The following RAB8B variants were observed in gnomAD, a reference collection of about 807,000 sequenced individuals.
The protein encoded by RAB8B is ras-related protein Rab-8B.
Under a neutral mutation model 32.0 loss-of-function variants are expected in RAB8B, and 11 were observed. The observed-to-expected ratio is 0.34, with a 90% CI of 0.22 to 0.57. RAB8B has a LOEUF of 0.57. RAB8B is among the 20% of genes least tolerant of loss of function. RAB8B has a pLI of 0.86. For missense variants in RAB8B, 190 were observed against 258.5 expected (o/e 0.73, Z 1.82); for synonymous variants, 103 against 89.6 (o/e 1.15, Z -0.85).
chr15:63,244,912 C>A, intron 2 of RAB8B, 96 bp downstream of exon 2: 3 of 1,020,414 alleles, frequency 2.9e-6, no homozygotes, highest in South Asian at 1.5e-5. Flanking sequence ...CTTGTGATAG[C>A]TAAAACATCT....
At chr15:63,235,943 G>A (rs994335027) in intron 1 of RAB8B, among the ~76,000 whole-genome samples, 1 of 152,136 alleles carries the variant, frequency 6.6e-6, no homozygotes, top group African/African-American at 2.4e-5. Flanking sequence ...TAAAGAGGAA[G>A]TTTCCCCACC....
At chr15:63,204,003 G>A (rs1248598591) in intron 1 of RAB8B, among the ~76,000 whole-genome samples, 2 of 152,070 alleles carry the variant, frequency 1.3e-5, no homozygotes, top group South Asian at 2.1e-4. Flanking sequence ...GGTTGTCGGG[G>A]GGTGGTTGAA....
At chr15:63,208,486 G>A (rs1005074700) in intron 1 of RAB8B, among the ~76,000 whole-genome samples, 30 of 152,040 alleles carry the variant, frequency 2.0e-4, no homozygotes, top group African/African-American at 7.3e-4. Flanking sequence ...AGGGAGGTAA[G>A]TTTTCTCCCT....
intron 1 of RAB8B, among the ~76,000 whole-genome samples, chr15:63,223,574 G>A (rs893394423): frequency 6.6e-6 from 1 of 152,198 alleles, no homozygotes; most frequent in African/African-American, 2.4e-5. Flanking sequence ...GCTATACTAC[G>A]TAGACTAGGT....
chr15:63,207,019 C>T (rs1190575652), intron 1 of RAB8B, among the ~76,000 whole-genome samples: 1 of 152,186 alleles, frequency 6.6e-6, no homozygotes, highest in African/African-American at 2.4e-5. Context: ...TTGTCTGCTC[C>T]AGCATACTTC....
Position 63,262,711 on chromosome 15 carries a change from G to A in RAB8B, c.500G>A (p.Arg167Gln), listed in dbSNP as rs774984428. The change falls in exon 7 of 8, where the codon CGA becomes CAA. Residue 167 changes from arginine (R) to glutamine (Q), a missense_variant. Arg to Gln is a conservative substitution (Grantham distance 43). Around this residue, in one of 2 missense-constraint regions of RAB8B, gnomAD observed 110 missense variants for 115.9 expected, o/e 0.95. Coordinates refer to ENST00000321437, the MANE Select transcript of RAB8B (RefSeq NM_016530.3). ...NVEEAFFTLA[R>Q]DIMTKLNRKM... ...CTATAGGCATTTTTTACACTTGCAC[G>A]AGATATAATGACAAAACTCAACAGA... is the stretch of plus-strand genomic sequence containing the variant. 4.9e-6 allele frequency: 7 copies of A among 1,441,998 alleles called. No individual in the cohort carries two copies. The highest frequency in any genetic ancestry group is 1.5e-5 in the South Asian group (1 of 66,030). The allele number at this position is 1,441,998 out of a possible 1,614,324, so 89.3% of individuals were successfully genotyped here.
At position 63,189,681 on chromosome 15, in the gene RAB8B, A is replaced by T; in HGVS notation, c.57A>T (p.Val19=). 6.2e-7 allele frequency: 1 copy of T among 1,613,226 alleles called. No individual in the cohort carries two copies. Among genetic ancestry groups the T allele is most frequent in the Non-Finnish European group, 8.5e-7 (1 of 1,179,466 alleles). ...FKLLLIGDSG[V]GKTCLLFRFS... Reference sequence around the variant, plus strand: ...TCCTGCTGATCGGCGACTCGGGGGTAGGCAAGACCTGCCTCCTGTTCCGCT... The same window carrying T: ...TCCTGCTGATCGGCGACTCGGGGGTTGGCAAGACCTGCCTCCTGTTCCGCT... The change falls in exon 1 of 8, where the codon GTA becomes GTT. Residue 19 remains valine, a synonymous_variant. Transcript: ENST00000321437.
At chr15:63,236,884 C>T (rs960730208) in intron 1 of RAB8B, among the ~76,000 whole-genome samples, 2 of 152,174 alleles carry the variant, frequency 1.3e-5, no homozygotes, top group Non-Finnish European at 2.9e-5. Context: ...TTAACCATTA[C>T]CACTTTCCCC....
chr15:63,244,813 T>C lies in RAB8B; in HGVS notation c.182T>C (p.Ile61Thr). Residue 61 changes from isoleucine (I) to threonine (T), a missense_variant, in exon 2 of 8, where the codon ATA becomes ACA. Ile to Thr is a moderately conservative substitution (Grantham distance 89). Coordinates refer to ENST00000321437, the MANE Select transcript of RAB8B (RefSeq NM_016530.3). ...ELDGKKIKLQ[I>T]WDTAGQERFR... ...GATGGAAAGAAAATTAAGCTTCAGATATGGTAAGTAAACACACACACAGAG... is the reference window on the plus strand; with the variant it reads ...GATGGAAAGAAAATTAAGCTTCAGACATGGTAAGTAAACACACACACAGAG... The C allele has an allele frequency of 6.3e-7, 1 of 1,575,624 alleles. No homozygotes were observed. The highest frequency in any genetic ancestry group is 8.7e-7 in the Non-Finnish European group (1 of 1,149,284).
chr15:63,245,855 T>C (rs2038066439), intron 2 of RAB8B, among the ~76,000 whole-genome samples: 2 of 152,228 alleles, frequency 1.3e-5, no homozygotes, highest in Non-Finnish European at 2.9e-5. Flanking sequence ...AAGCTGAATA[T>C]AACTTTATAC....
chr15:63,251,208 A>G (rs2038114372), intron 3 of RAB8B: 1 of 447,796 alleles, frequency 2.2e-6, no homozygotes. Flanking sequence ...TATTTTGCTT[A>G]GACTGGAATC....
At chr15:63,247,861 G>C (rs2038083758) in intron 2 of RAB8B, among the ~76,000 whole-genome samples, 1 of 152,166 alleles carries the variant, frequency 6.6e-6, no homozygotes, top group African/African-American at 2.4e-5. Flanking sequence ...CTACTCAACT[G>C]CCCTGGAACA....
chr15:63,244,641 T>A, intron 1 of RAB8B, 115 bp from the exon 2 acceptor site: 1 of 760,204 alleles, frequency 1.3e-6, no homozygotes, highest in Middle Eastern at 2.3e-4. Context: ...CCTCTCTGTG[T>A]TCACATTTTC....
chr15:63,190,637 G>C (rs1455158918), intron 1 of RAB8B, among the ~76,000 whole-genome samples: 1 of 152,192 alleles, frequency 6.6e-6, no homozygotes, highest in East Asian at 1.9e-4. Flanking sequence ...TGTCTATAGA[G>C]CGTTAATTTG....
At chr15:63,249,931 T>C (rs1043581269) in intron 3 of RAB8B, among the ~76,000 whole-genome samples, 2 of 150,972 alleles carry the variant, frequency 1.3e-5, no homozygotes, top group Non-Finnish European at 3.0e-5. Flanking sequence ...GGTCAGGAGA[T>C]CGAGACCATC....
At chr15:63,222,409 A>G (rs771861155) in intron 1 of RAB8B, among the ~76,000 whole-genome samples, 1 of 152,220 alleles carries the variant, frequency 6.6e-6, no homozygotes, top group Non-Finnish European at 1.5e-5. Flanking sequence ...AATGCCTTAT[A>G]TAGCCAGTTC....
chr15:63,199,085 A>G (rs754480855), intron 1 of RAB8B, among the ~76,000 whole-genome samples: 1 of 152,218 alleles, frequency 6.6e-6, no homozygotes, highest in Non-Finnish European at 1.5e-5. Context: ...TTGAGAGTCA[A>G]CTGTTCCCCT....
At chr15:63,249,599 G>T in intron 2 of RAB8B, 46 bp from the exon 3 acceptor site, 1 of 1,564,562 alleles carries the variant, frequency 6.4e-7, no homozygotes. Context: ...CCTCAGTGAT[G>T]CTGGTGATGA....
At chr15:63,240,388 C>T (rs1000892202) in intron 1 of RAB8B, among the ~76,000 whole-genome samples, 2 of 152,088 alleles carry the variant, frequency 1.3e-5, no homozygotes, top group South Asian at 4.1e-4. Flanking sequence ...TCACACACAT[C>T]GTCTAATTTA....
Sources: allele counts gnomAD v4.1 joint callset (sites outside exome capture counted in the v4.1 genomes callset), GRCh38; gene constraint gnomAD v4.1.1; regional missense constraint gnomAD v4.1.1; transcripts MANE v1.5; gene names NCBI Gene and HGNC (gene_info 2026-07-23, HGNC 2026-07-21).